SLC47A2: variants seen among roughly 807,000 people sequenced by gnomAD.
The protein encoded by SLC47A2 is solute carrier family 47 member 2, also known as multidrug and toxin extrusion protein 2.
SLC47A2 carries 52 observed loss-of-function variants against 67.7 expected under a neutral mutation model. The observed-to-expected ratio is 0.77, with a 90% CI of 0.61 to 0.97. SLC47A2 has a LOEUF of 0.97. SLC47A2 is among the 50% of genes least tolerant of loss of function. SLC47A2 has a pLI of 0.00. For synonymous variants in SLC47A2, 278 were observed against 292.9 expected, an observed-to-expected ratio of 0.95 and a Z score of 0.52; for missense variants, 676 against 712.3, an observed-to-expected ratio of 0.95 and a Z score of 0.58.
At position 19,712,845 on chromosome 17, in the gene SLC47A2, C is replaced by T. The variant is rs1252792571; in HGVS notation, c.444-100G>A. 71 of 1,143,784 alleles carry T rather than the reference C, an allele frequency of 6.2e-5. 1 individual carries two copies. The highest frequency in any genetic ancestry group is 9.2e-5 in the Non-Finnish European group (71 of 775,044). The allele number at this position is 1,143,784 out of a possible 1,614,324, so 70.9% of individuals were successfully genotyped here. A position where few individuals can be genotyped will look rare whatever the true frequency, so the allele number is the denominator to read the frequency against. The stretch of plus-strand genomic sequence containing the variant: ...CCAGGACTGGGTGCTCGGCCGCTGT[C>T]CCAGGGTCTCAGCCAGGACTGTGAA... On this transcript the variant is annotated intron_variant, in intron 4 of 16. Transcript: ENST00000433844.
chr17:19,681,234 A>G, intron 15 of SLC47A2, 133 bp downstream of exon 15: 2 of 731,400 alleles, frequency 2.7e-6, no homozygotes, highest in Non-Finnish European at 4.5e-6. Context: ...AACAAAAAAA[A>G]AAAACACCTG....
At chr17:19,692,440 T>A (rs2085564125) in intron 13 of SLC47A2, 1 of 328,854 alleles carries the variant, frequency 3.0e-6, no homozygotes, top group East Asian at 1.0e-4. Flanking sequence ...ACAATTAAGG[T>A]GAAGTGAGTA....
chr17:19,695,062 G>C (rs1246139852), intron 13 of SLC47A2, among the ~76,000 whole-genome samples: 3 of 151,940 alleles, frequency 2.0e-5, no homozygotes, highest in African/African-American at 4.8e-5. Context: ...AGCCATAAAA[G>C]AAATTAAGAA....
At chr17:19,703,216 A>T (rs747576187) in intron 11 of SLC47A2, 49 bp from the exon 12 acceptor site, 2 of 1,567,522 alleles carry the variant, frequency 1.3e-6, no homozygotes, top group East Asian at 2.2e-5. Context: ...GCCAGGAAGC[A>T]CCCTTGCTCA....
chr17:19,700,806 T>C (rs1288723466), intron 13 of SLC47A2, among the ~76,000 whole-genome samples: 4 of 150,536 alleles, frequency 2.7e-5, no homozygotes, highest in Admixed American at 2.6e-4. Flanking sequence ...AGCTTTCAAT[T>C]TCAAGAATGA....
Position 19,685,403 on chromosome 17 carries a change from G to C in SLC47A2, c.1165-3733C>G, listed in dbSNP as rs1225624158. 7.9e-5 allele frequency among the ~76,000 whole-genome samples: 12 copies of C among 151,616 alleles called. No individual in the cohort carries two copies. Among genetic ancestry groups the C allele is most frequent in the Non-Finnish European group, 1.8e-4 (12 of 67,910 alleles). On this transcript the variant is annotated intron_variant, in intron 13 of 16. Coordinates refer to ENST00000433844, the MANE Select transcript of SLC47A2 (RefSeq NM_001099646.3). The surrounding 1 kb of genome is among the most constrained non-coding windows in gnomAD (Gnocchi z 4.5). ...CCACCACGTCTAGGAAGTGAGGAGCGTCTCTGCCTGGCCGCCCATCATCTG... is the reference window on the plus strand; with the variant it reads ...CCACCACGTCTAGGAAGTGAGGAGCCTCTCTGCCTGGCCGCCCATCATCTG...
Position 19,713,947 on chromosome 17 carries a change from G to C in SLC47A2, c.321C>G (p.His107Gln). 1 of 1,613,210 alleles carries C rather than the reference G, an allele frequency of 6.2e-7. No homozygotes were observed. Among genetic ancestry groups the C allele is most frequent in the Non-Finnish European group, 8.5e-7 (1 of 1,179,506 alleles). ...SQSFGSPNKK[H>Q]VGVILQRGAL... The stretch of plus-strand genomic sequence containing the variant: ...CGCCCCGCTGCAGGATCACGCCCAC[G>C]TGCTTCTTGTTGGGGCTGCCGAAGC... The change falls in exon 4 of 17, where the codon CAC becomes CAG. Residue 107 changes from histidine (H) to glutamine (Q), a missense_variant. His to Gln is a conservative substitution (Grantham distance 24). Transcript: ENST00000433844.
chr17:19,716,362 C>T, intron 1 of SLC47A2, 71 bp downstream of exon 1: 3 of 1,516,570 alleles, frequency 2.0e-6, no homozygotes, highest in Non-Finnish European at 2.6e-6. Context: ...TGGATCCTGC[C>T]TGCAAGGCAG....
intron 7 of SLC47A2, 52 bp from the exon 8 acceptor site, chr17:19,707,895 G>A (rs768160500): frequency 1.4e-5 from 21 of 1,497,644 alleles, no homozygotes; most frequent in East Asian, 7.4e-5. Flanking sequence ...CTCTGCCACC[G>A]CCCTGCCTGA....
chr17:19,710,360 A>C (rs1335074369), intron 5 of SLC47A2, among the ~76,000 whole-genome samples: 2 of 152,258 alleles, frequency 1.3e-5, no homozygotes, highest in African/African-American at 4.8e-5. Flanking sequence ...TGTTCAAAAA[A>C]ATTTTAGTTG....
intron 13 of SLC47A2, 46 bp downstream of exon 13, chr17:19,702,559 A>T: frequency 1.2e-6 from 2 of 1,609,760 alleles, no homozygotes; most frequent in Non-Finnish European, 1.7e-6. Context: ...ACAAGTACAT[A>T]AATCATGTCC....
At chr17:19,680,920 C>T (rs528217691) in intron 15 of SLC47A2, among the ~76,000 whole-genome samples, 1 of 152,266 alleles carries the variant, frequency 6.6e-6, no homozygotes, top group East Asian at 1.9e-4. Flanking sequence ...CAGGTGGCCC[C>T]TCTGTAATCC....
chr17:19,704,008 G>A, intron 11 of SLC47A2, 62 bp downstream of exon 11: 1 of 1,318,694 alleles, frequency 7.6e-7, no homozygotes, highest in Non-Finnish European at 1.0e-6. Flanking sequence ...CAGCCTTCCT[G>A]TGGCCCAGGC....
intron 7 of SLC47A2, 113 bp downstream of exon 7, chr17:19,708,189 C>T: frequency 8.2e-7 from 1 of 1,218,388 alleles, no homozygotes; most frequent in African/African-American, 1.5e-5. Context: ...CATAACCCTC[C>T]ACTTCAGGAC....
chr17:19,684,864 T>A (rs983385111), intron 13 of SLC47A2, among the ~76,000 whole-genome samples: 2 of 152,240 alleles, frequency 1.3e-5, no homozygotes, highest in Non-Finnish European at 2.9e-5. Flanking sequence ...CATCTCCCTC[T>A]TTCTACGGTC....
At chr17:19,702,280 G>C in intron 13 of SLC47A2, 1 of 985,330 alleles carries the variant, frequency 1.0e-6, no homozygotes, top group South Asian at 4.7e-5. Flanking sequence ...CTCCTGGCCA[G>C]CCTGGGGCAC....
At chr17:19,702,806 C>T (rs2085821629) in intron 12 of SLC47A2, 132 bp from the exon 13 acceptor site, 5 of 1,042,406 alleles carry the variant, frequency 4.8e-6, no homozygotes, top group Non-Finnish European at 5.7e-6. Context: ...ACAAATGTAA[C>T]TGGCACTGCT....
intron 5 of SLC47A2, among the ~76,000 whole-genome samples, chr17:19,709,167 G>A (rs2086029619): frequency 6.6e-6 from 1 of 152,254 alleles, no homozygotes. Flanking sequence ...TTAGAGACAG[G>A]ATTTGAAGGT....
At chr17:19,681,040 C>T (rs947162490) in intron 15 of SLC47A2, among the ~76,000 whole-genome samples, 4 of 151,922 alleles carry the variant, frequency 2.6e-5, no homozygotes, top group African/African-American at 9.7e-5. Context: ...GGTGAAACCC[C>T]GTCTCTACTA....
Sources: allele counts gnomAD v4.1 joint callset (sites outside exome capture counted in the v4.1 genomes callset), GRCh38; gene constraint gnomAD v4.1.1; non-coding constraint Gnocchi (gnomAD v3.1); transcripts MANE v1.5; gene names NCBI Gene and HGNC (gene_info 2026-07-23, HGNC 2026-07-21).